Variants in HADHA observed in about 807,000 individuals in gnomAD.
HADHA encodes hydroxyacyl-CoA dehydrogenase trifunctional multienzyme complex subunit alpha.
HADHA carries 59 observed loss-of-function variants against 91.3 expected under a neutral mutation model. The observed-to-expected ratio is 0.65, with a 90% CI of 0.52 to 0.80. HADHA has a LOEUF of 0.80. HADHA is among the 30% of genes least tolerant of loss of function. The pLI is 0.00. For synonymous variants in HADHA, 320 were observed against 338.9 expected, an observed-to-expected ratio of 0.94 and a Z score of 0.61; for missense variants, 800 against 927.6, an observed-to-expected ratio of 0.86 and a Z score of 1.79.
chr2:26,202,900 C>CA (rs761217718), intron 12 of HADHA, among the ~76,000 whole-genome samples: 5 of 152,234 alleles, frequency 3.3e-5, no homozygotes, highest in Non-Finnish European at 7.3e-5. Flanking sequence ...CAAGAGAGGA[C>CA]AGGAACTATT....
intron 6 of HADHA, 57 bp downstream of exon 6, chr2:26,232,103 A>G: frequency 7.7e-7 from 1 of 1,295,928 alleles, no homozygotes; most frequent in Non-Finnish European, 1.1e-6. Context: ...TGCATTTTAT[A>G]CAAGAAAACA....
At chr2:26,230,377 A>C in intron 6 of HADHA, 83 bp from the exon 7 acceptor site, 2 of 863,236 alleles carry the variant, frequency 2.3e-6, no homozygotes, top group Non-Finnish European at 4.0e-6. Flanking sequence ...CAAATGAACA[A>C]ATATTAAAAT....
chr2:26,196,411 A>G (rs529615380), intron 14 of HADHA, among the ~76,000 whole-genome samples: 1 of 152,244 alleles, frequency 6.6e-6, no homozygotes, highest in South Asian at 2.1e-4. Context: ...TAGAATTTCT[A>G]TATAATAAAA....
intron 12 of HADHA, among the ~76,000 whole-genome samples, chr2:26,203,628 C>T (rs1032649388): frequency 6.6e-6 from 1 of 152,174 alleles, no homozygotes; most frequent in African/African-American, 2.4e-5. Flanking sequence ...AGTTACTGCC[C>T]ATTTCCTTAC....
chr2:26,216,692 A>T (rs1483528621), intron 7 of HADHA, among the ~76,000 whole-genome samples: 1 of 152,122 alleles, frequency 6.6e-6, no homozygotes, highest in Non-Finnish European at 1.5e-5. Flanking sequence ...GAGTGACAAA[A>T]GTTCAGTGTC....
chr2:26,238,512 A>G (rs1049314048), intron 3 of HADHA, among the ~76,000 whole-genome samples: 2 of 152,234 alleles, frequency 1.3e-5, no homozygotes, highest in Non-Finnish European at 2.9e-5. Flanking sequence ...CAGGAAGCTT[A>G]AGAGCCAAGT....
At chr2:26,211,032 C>T (rs902957615) in intron 10 of HADHA, among the ~76,000 whole-genome samples, 1 of 152,150 alleles carries the variant, frequency 6.6e-6, no homozygotes, top group African/African-American at 2.4e-5. Context: ...ACAATCAATG[C>T]TTTACTAATC....
At chr2:26,192,465 A>T (rs1160263850) in intron 17 of HADHA, 41 bp from the exon 18 acceptor site, 1 of 1,078,586 alleles carries the variant, frequency 9.3e-7, no homozygotes, top group African/African-American at 1.5e-5. Context: ...ATTTGTTCTC[A>T]GGGAGGGAGT....
At chr2:26,235,433 C>A (rs756288111) in intron 4 of HADHA, 9 of 152,136 alleles carry the variant, frequency 5.9e-5, no homozygotes, top group Non-Finnish European at 1.2e-4. Flanking sequence ...TACTTTTGAC[C>A]AAGGATAACT....
chr2:26,206,375 C>A (rs74622635), intron 11 of HADHA, among the ~76,000 whole-genome samples: 1 of 151,884 alleles, frequency 6.6e-6, no homozygotes, highest in Non-Finnish European at 1.5e-5. Context: ...ATTACAGGTG[C>A]CCACCACCAC....
At chr2:26,218,541 T>C (rs1050449012) in intron 7 of HADHA, among the ~76,000 whole-genome samples, 1 of 152,164 alleles carries the variant, frequency 6.6e-6, no homozygotes, top group African/African-American at 2.4e-5. Flanking sequence ...AAAAAAGATC[T>C]TTTCTAATTT....
rs576036441 is a variant in HADHA, at chr2:26,217,669, G to A, written c.677-2494C>T. On this transcript the variant is annotated intron_variant, in intron 7 of 19. Coordinates refer to ENST00000380649, the MANE Select transcript of HADHA (RefSeq NM_000182.5). Reference sequence around the variant, plus strand: ...TAATTCCAGTGCTTTGGGAGGCTGAGGTGGGAGGATCACGTGAGCCCAGGG... The same window carrying A: ...TAATTCCAGTGCTTTGGGAGGCTGAAGTGGGAGGATCACGTGAGCCCAGGG... 1.7e-3 allele frequency among the ~76,000 whole-genome samples: 256 copies of A among 152,304 alleles called. 1 individual carries two copies. The highest frequency in any genetic ancestry group is 2.6e-3 in the Non-Finnish European group (179 of 68,028).
intron 17 of HADHA, 35 bp from the exon 18 acceptor site, chr2:26,192,459 G>A (rs1164880509): frequency 8.9e-7 from 1 of 1,127,616 alleles, no homozygotes. Context: ...GTTACTATTT[G>A]TTCTCAGGGA....
At chr2:26,201,012 G>A (rs566811671) in intron 13 of HADHA, 137 bp downstream of exon 13, 97 of 741,032 alleles carry the variant, frequency 1.3e-4, no homozygotes, top group Non-Finnish European at 2.0e-4. Context: ...GATTATAGGC[G>A]TGAGCCACCA....
chr2:26,231,982 A>G (rs1558329127), intron 6 of HADHA, among the ~76,000 whole-genome samples, 178 bp downstream of exon 6: 1 of 151,968 alleles, frequency 6.6e-6, no homozygotes, highest in Non-Finnish European at 1.5e-5. Flanking sequence ...AAAAAAAAAA[A>G]AAAAAAATCT....
At position 26,209,882 on chromosome 2, in the gene HADHA, C is replaced by T. The variant is rs1431664749; in HGVS notation, c.983G>A (p.Gly328Glu). 6.4e-7 allele frequency: 1 copy of T among 1,556,922 alleles called. No individual in the cohort carries two copies. The highest frequency in any genetic ancestry group is 8.9e-7 in the Non-Finnish European group (1 of 1,128,008). The change falls in exon 11 of 20, where the codon GGA (glycine) becomes GAA (glutamate). Residue 328 changes from glycine to glutamate, a missense_variant. Gly to Glu is a moderately conservative substitution (Grantham distance 98). Transcript: ENST00000380649. ...AGYLCESQKFGELVMTKESKA... is the reference protein window; with the variant it reads ...AGYLCESQKFEELVMTKESKA... ...TGATTCTTTGGTCATTACAAGCTCT[C>T]CAAATTTCTGAAAAGTAAAGGGGAA...
At chr2:26,227,523 A>G (rs1320265623) in intron 7 of HADHA, among the ~76,000 whole-genome samples, 1 of 152,092 alleles carries the variant, frequency 6.6e-6, no homozygotes, top group East Asian at 1.9e-4. Flanking sequence ...AAAAAAAAAA[A>G]AGAAAAAAGA....
intron 4 of HADHA, among the ~76,000 whole-genome samples, chr2:26,234,752 TGA>T (rs1670707138): frequency 7.2e-6 from 1 of 139,654 alleles, no homozygotes; most frequent in South Asian, 2.3e-4. Context: ...GGCGACAGAG[TGA>T]GACTCTGTCT....
chr2:26,231,793 T>TC (rs1331365427), intron 6 of HADHA, among the ~76,000 whole-genome samples: 71 of 151,662 alleles, frequency 4.7e-4, no homozygotes, highest in African/African-American at 1.6e-3. Flanking sequence ...ATGGCGAAAC[T>TC]CCATCTCTAC....
Sources: allele counts gnomAD v4.1 joint callset (sites outside exome capture counted in the v4.1 genomes callset), GRCh38; gene constraint gnomAD v4.1.1; transcripts MANE v1.5; gene names NCBI Gene and HGNC (gene_info 2026-07-23, HGNC 2026-07-21).